Variants in SNX25 observed in about 807,000 individuals in gnomAD.
SNX25 encodes the protein sorting nexin 25, also known as sorting nexin-25.
A neutral mutation model predicts 113.7 loss-of-function variants in SNX25; 62 were observed. The observed-to-expected ratio is 0.55, with a 90% CI of 0.44 to 0.67. The LOEUF is 0.67. SNX25 is among the 30% of genes least tolerant of loss of function. SNX25 has a pLI of 0.00. For synonymous variants in SNX25, 421 were observed against 436.2 expected, an observed-to-expected ratio of 0.97 and a Z score of 0.43; for missense variants, 1,014 against 1,161.0, an observed-to-expected ratio of 0.87 and a Z score of 1.84.
upstream of SNX25, among the ~76,000 whole-genome samples, chr4:185,204,816 G>A (rs1737115519): frequency 6.6e-6 from 1 of 152,244 alleles, no homozygotes; most frequent in African/African-American, 2.4e-5. Context: ...AGTGCAGGTA[G>A]AAGCTGCAAA....
intron 7 of SNX25, among the ~76,000 whole-genome samples, chr4:185,315,998 TA>T (rs1255174996): frequency 6.6e-6 from 1 of 152,218 alleles, no homozygotes; most frequent in Non-Finnish European, 1.5e-5. Context: ...TACAATATGA[TA>T]AGTTTTGACA....
chr4:185,362,456 T>C (rs2095369313), intron 17 of SNX25, 155 bp from the exon 18 acceptor site: 1 of 789,838 alleles, frequency 1.3e-6, no homozygotes, highest in Admixed American at 6.2e-5. Context: ...TGAAACATTC[T>C]TTCCTGAAGC....
intron 1 of SNX25, among the ~76,000 whole-genome samples, chr4:185,243,390 G>A (rs904924378): frequency 6.6e-6 from 1 of 152,066 alleles, no homozygotes; most frequent in African/African-American, 2.4e-5. Context: ...TGGGAGGATC[G>A]CTTGAGGCCA....
downstream of SNX25, chr4:185,365,832 G>A (rs1029232749): frequency 1.3e-5 from 2 of 152,072 alleles, no homozygotes; most frequent in Non-Finnish European, 2.9e-5. Flanking sequence ...AGAAATACAT[G>A]ACCATTTGAG....
intron 16 of SNX25, among the ~76,000 whole-genome samples, chr4:185,361,469 A>G (rs1249281836): frequency 6.6e-6 from 1 of 152,196 alleles, no homozygotes; most frequent in East Asian, 1.9e-4. Context: ...CAGGCACGGT[A>G]GCTCATGCCT....
intron 2 of SNX25, among the ~76,000 whole-genome samples, 172 bp from the exon 3 acceptor site, chr4:185,258,676 T>G (rs1220411169): frequency 1.3e-5 from 2 of 152,218 alleles, no homozygotes; most frequent in African/African-American, 4.8e-5. Context: ...TCTAGTTAGA[T>G]GAGAATCTTT....
intron 5 of SNX25, among the ~76,000 whole-genome samples, chr4:185,281,591 T>C (rs1750568265): frequency 6.6e-6 from 1 of 152,194 alleles, no homozygotes; most frequent in African/African-American, 2.4e-5. Context: ...CTTTTAGTAG[T>C]GCCATGGATG....
At chr4:185,354,383 A>G (rs187193862) in intron 15 of SNX25, among the ~76,000 whole-genome samples, 105 of 152,242 alleles carry the variant, frequency 6.9e-4, no homozygotes, top group African/African-American at 2.2e-3. Flanking sequence ...GTAGTTCTTC[A>G]TGGAGGGAAG....
chr4:185,297,756 T>G (rs951536153), intron 6 of SNX25, among the ~76,000 whole-genome samples: 5 of 152,114 alleles, frequency 3.3e-5, no homozygotes, highest in African/African-American at 1.2e-4. Flanking sequence ...GAAGGAGAAT[T>G]CTAGTCTTTC....
At chr4:185,249,059 C>T (rs1745263322) in intron 2 of SNX25, among the ~76,000 whole-genome samples, 1 of 152,194 alleles carries the variant, frequency 6.6e-6, no homozygotes, top group South Asian at 2.1e-4. Context: ...ACCCTTTCTC[C>T]TGTGGGACAT....
intron 7 of SNX25, among the ~76,000 whole-genome samples, chr4:185,313,774 G>A (rs188195531): frequency 1.8e-3 from 268 of 152,224 alleles, no homozygotes; most frequent in South Asian, 0.011. Flanking sequence ...TAACTATGGA[G>A]TCTCCAAAAG....
intron 6 of SNX25, 91 bp downstream of exon 6, chr4:185,288,173 G>T: frequency 1.1e-6 from 1 of 887,808 alleles, no homozygotes; most frequent in East Asian, 2.5e-5. Flanking sequence ...TGGCAAATAG[G>T]AGCTTTTCTG....
In SNX25 at chr4:185,339,379, A is replaced by T; in HGVS notation, c.1915A>T (p.Ile639Phe). The T allele has an allele frequency of 6.2e-7, 1 of 1,613,694 alleles. No homozygotes were observed. Among genetic ancestry groups the T allele is most frequent in the Non-Finnish European group, 8.5e-7 (1 of 1,179,788 alleles). The change falls in exon 11 of 19, where the codon ATT (isoleucine) becomes TTT (phenylalanine). Residue 639 changes from isoleucine (I) to phenylalanine (F), a missense_variant and splice_region_variant. Ile to Phe is a conservative substitution (Grantham distance 21). Transcript: ENST00000652585. ...IQNAPKPDKKIVSKLKDEIIL... is the reference protein window; with the variant it reads ...IQNAPKPDKKFVSKLKDEIIL... Reference sequence around the variant, plus strand: ...TCCCAGGATATTTTCCCTGTGGCAGATTGTTTCCAAGTTGAAGGATGAAAT... The same window carrying T: ...TCCCAGGATATTTTCCCTGTGGCAGTTTGTTTCCAAGTTGAAGGATGAAAT...
intron 6 of SNX25, among the ~76,000 whole-genome samples, chr4:185,308,854 T>A (rs1184526152): frequency 6.6e-6 from 1 of 152,178 alleles, no homozygotes; most frequent in Non-Finnish European, 1.5e-5. Flanking sequence ...CAGAGCTGAA[T>A]GTTTCCGAAC....
intron 1 of SNX25, among the ~76,000 whole-genome samples, chr4:185,236,684 T>C (rs73873407): frequency 0.068 from 10,279 of 152,234 alleles, 747 homozygotes; most frequent in African/African-American, 0.18. Flanking sequence ...CAAAGTTGTA[T>C]GTATACCATG....
intron 1 of SNX25, among the ~76,000 whole-genome samples, chr4:185,216,885 T>C (rs2126318155): frequency 6.6e-6 from 1 of 152,270 alleles, no homozygotes. Flanking sequence ...TCTTCTAAGT[T>C]TTAAAAACCA....
chr4:185,230,806 A>G (rs912939077), intron 1 of SNX25, among the ~76,000 whole-genome samples: 4 of 152,148 alleles, frequency 2.6e-5, no homozygotes, highest in African/African-American at 4.8e-5. Context: ...TACAATACTT[A>G]CTCTAAAGAC....
intron 10 of SNX25, among the ~76,000 whole-genome samples, chr4:185,333,458 A>G (rs1579824760): frequency 1.3e-5 from 2 of 152,302 alleles, no homozygotes; most frequent in South Asian, 2.1e-4. Flanking sequence ...GCCCAATCCT[A>G]TTGAGTCTTC....
chr4:185,307,899 C>A (rs1754678486), intron 6 of SNX25, among the ~76,000 whole-genome samples: 1 of 152,184 alleles, frequency 6.6e-6, no homozygotes, highest in Non-Finnish European at 1.5e-5. Context: ...GAACTATAGG[C>A]ATGCACTGCC....
Sources: gnomAD v4.1 joint callset for allele counts (sites outside exome capture counted in the v4.1 genomes callset) on GRCh38, gnomAD v4.1.1 for gene constraint, MANE v1.5 for transcripts, NCBI Gene and HGNC (gene_info 2026-07-23, HGNC 2026-07-21) for gene names.